Variants in MINAR2 observed in about 807,000 individuals in gnomAD.
The protein encoded by MINAR2 is major intrinsically disordered NOTCH2-binding receptor 1-like.
A neutral mutation model predicts 16.1 loss-of-function variants in MINAR2; 21 were observed. The ratio of observed to expected loss-of-function variants is 1.31; its 90% confidence interval spans 0.93 to 1.88. The LOEUF (loss-of-function observed/expected upper bound fraction) is 1.88. Ranked by LOEUF, MINAR2 falls within the 40% of genes most tolerant of loss-of-function variation. The pLI, the probability that MINAR2 is intolerant of heterozygous loss-of-function variation, is 0.00. For synonymous variants in MINAR2, 86 were observed against 83.0 expected (o/e 1.04, Z -0.20); for missense variants, 259 against 229.8 (o/e 1.13, Z -0.82).
chr5:129,758,600 C>A (rs768535943), intron 1 of MINAR2, among the ~76,000 whole-genome samples: 26 of 151,448 alleles, frequency 1.7e-4, no homozygotes, highest in Non-Finnish European at 3.4e-4. Flanking sequence ...TTTTCTTGAT[C>A]TCCCCAAAAC....
In MINAR2 at chr5:129,764,970, G is replaced by A; in HGVS notation, c.480G>A (p.Glu160=). ...TATTGAAAAAGGAAGAGAAACAAGA[G>A]AAGCATTCAAAATTCTGTCGTATGG... The part of the protein sequence containing the change: ...DTLLKKEEKQ[E]KHSKFCRMGL... Residue 160 remains glutamate, a synonymous_variant, in exon 3 of 3, where the codon GAG becomes GAA. Coordinates refer to ENST00000564719, the MANE Select transcript of MINAR2 (RefSeq NM_001257308.2). The A allele has an allele frequency of 7.1e-7, 1 of 1,408,528 alleles. No individual in the cohort carries two copies. The highest frequency in any genetic ancestry group is 2.7e-5 in the East Asian group (1 of 37,202). 87.3% of individuals were successfully genotyped at this position (1,408,528 alleles called of 1,614,324 possible). A position where few individuals can be genotyped will look rare whatever the true frequency, so the allele number is the denominator to read the frequency against.
At chr5:129,760,141 A>C (rs1758111888) in intron 1 of MINAR2, among the ~76,000 whole-genome samples, 1 of 152,184 alleles carries the variant, frequency 6.6e-6, no homozygotes, top group Non-Finnish European at 1.5e-5. Flanking sequence ...CTGTAGTTAT[A>C]AAATAGCATT....
Position 129,748,297 on chromosome 5 carries a change from G to T in MINAR2, c.107G>T (p.Arg36Met), listed in dbSNP as rs777718991. The part of the protein sequence containing the change: ...SSALLQASLV[R>M]FPGGNYPAAQ... ...GCCCTCCTTCAGGCCAGCCTGGTGA[G>T]GTTTCCGGGTGGAAATTATCCTGCT... is the stretch of plus-strand genomic sequence containing the variant. The change falls in exon 1 of 3, where the codon AGG becomes ATG. Residue 36 changes from arginine (R) to methionine (M), a missense_variant. By Grantham distance (91) the Arg-to-Met change is moderately conservative. Transcript: ENST00000564719. 1 of 1,535,214 alleles carries T rather than the reference G, an allele frequency of 6.5e-7. No homozygotes were observed.
At chr5:129,753,778 C>T (rs908734366) in intron 1 of MINAR2, among the ~76,000 whole-genome samples, 1 of 139,964 alleles carries the variant, frequency 7.1e-6, no homozygotes, top group Non-Finnish European at 1.5e-5. Flanking sequence ...AGAGTGAGAG[C>T]GTCAGAGAGA....
At chr5:129,759,973 G>C (rs946303591) in intron 1 of MINAR2, among the ~76,000 whole-genome samples, 4 of 152,042 alleles carry the variant, frequency 2.6e-5, no homozygotes, top group African/African-American at 9.7e-5. Flanking sequence ...GACTTTGCTG[G>C]ATTAGCACAA....
intron 1 of MINAR2, among the ~76,000 whole-genome samples, chr5:129,752,346 G>T (rs1010495614): frequency 1.3e-5 from 2 of 152,144 alleles, no homozygotes; most frequent in African/African-American, 4.8e-5. Flanking sequence ...TGTTAGAGTG[G>T]ATAAAGAAAA....
chr5:129,758,961 T>C (rs1475782766), intron 1 of MINAR2, among the ~76,000 whole-genome samples: 1 of 151,480 alleles, frequency 6.6e-6, no homozygotes, highest in Non-Finnish European at 1.5e-5. Flanking sequence ...CAGAGAAGGG[T>C]CTGCAAGTTG....
intron 1 of MINAR2, among the ~76,000 whole-genome samples, chr5:129,756,171 T>C (rs959689116): frequency 2.6e-5 from 4 of 152,114 alleles, no homozygotes; most frequent in African/African-American, 9.7e-5. Flanking sequence ...CCAAGTGATT[T>C]TGAGTCTTTG....
At position 129,766,649 on chromosome 5, in the gene MINAR2, A is replaced by AAC. The variant is rs1758221440; in HGVS notation, c.*1587_*1588insCA. On this transcript the variant is annotated 3_prime_UTR_variant, in exon 3 of 3. Transcript: ENST00000564719. ...GAGACTTCCATAAAAAAAAAAAAAA[A>AAC]AAAAAAACAAACAAACAAACAAAAA... 7.3e-6 allele frequency: 1 copy of AAC among 137,124 alleles called. No individual in the cohort carries two copies. Among genetic ancestry groups the AAC allele is most frequent in the African/African-American group, 2.8e-5 (1 of 36,268 alleles). The allele number at this position is 137,124 out of a possible 1,614,324, so 8.5% of individuals were successfully genotyped here.
chr5:129,757,065 A>AATATAT (rs58719695), intron 1 of MINAR2, among the ~76,000 whole-genome samples: 134 of 145,538 alleles, frequency 9.2e-4, no homozygotes, highest in African/African-American at 3.3e-3. Flanking sequence ...TGTATCACCT[A>AATATAT]ATATATATAT....
intron 2 of MINAR2, among the ~76,000 whole-genome samples, chr5:129,763,364 C>A (rs1758163114): frequency 6.6e-6 from 1 of 152,120 alleles, no homozygotes; most frequent in African/African-American, 2.4e-5. Context: ...CTCATAGAGC[C>A]CCTAACTTAC....
At chr5:129,753,477 T>G (rs1164490731) in intron 1 of MINAR2, among the ~76,000 whole-genome samples, 1 of 43,502 alleles carries the variant, frequency 2.3e-5, no homozygotes, top group African/African-American at 1.5e-4. Flanking sequence ...AGCAAGACTG[T>G]CTCAAAAAAA....
At position 129,760,471 on chromosome 5, in the gene MINAR2, G is replaced by A. The variant is rs1758118534; in HGVS notation, c.259G>A (p.Val87Ile). The A allele has an allele frequency of 6.5e-7, 1 of 1,535,680 alleles. No individual in the cohort carries two copies. Residue 87 changes from valine (V) to isoleucine (I), a missense_variant, in exon 2 of 3, where the codon GTT (valine) becomes ATT (isoleucine). Physicochemically the swap from Val to Ile is conservative, Grantham distance 29 (BLOSUM62 3). Coordinates refer to ENST00000564719, the MANE Select transcript of MINAR2 (RefSeq NM_001257308.2). ...ADSPPPSMSS[V>I]MKNNPLYGDL... is the part of the protein sequence containing the mutation. ...TAGCCCCCCACCATCCATGTCATCA[G>A]TTATGAAGAATAACCCACTCTATGG...
At position 129,755,374 on chromosome 5, in the gene MINAR2, A is replaced by G. The variant is rs895330586; in HGVS notation, c.166-5004A>G. Among the ~76,000 whole-genome samples, 3 of 151,848 alleles carry G rather than the reference A, an allele frequency of 2.0e-5. 1 individual carries two copies. The highest frequency in any genetic ancestry group is 2.0e-4 in the Admixed American group (3 of 15,224). Reference sequence around the variant, plus strand: ...TGAGCTGGGGATTGTTCCTTTTCCTATTTTCTGGAAGAATTTGACTAATAA... The same window carrying G: ...TGAGCTGGGGATTGTTCCTTTTCCTGTTTTCTGGAAGAATTTGACTAATAA... On this transcript the variant is annotated intron_variant, in intron 1 of 2. Coordinates refer to ENST00000564719, the MANE Select transcript of MINAR2 (RefSeq NM_001257308.2).
intron 1 of MINAR2, among the ~76,000 whole-genome samples, chr5:129,752,593 G>A (rs891780239): frequency 6.6e-5 from 10 of 151,998 alleles, no homozygotes; most frequent in African/African-American, 2.4e-4. Context: ...GCAAGGGGAG[G>A]GATAGCATTA....
chr5:129,762,341 A>G (rs1406728543), intron 2 of MINAR2, among the ~76,000 whole-genome samples: 1 of 152,186 alleles, frequency 6.6e-6, no homozygotes, highest in Non-Finnish European at 1.5e-5. Context: ...ATTATCAATG[A>G]TTGGAAAAAA....
chr5:129,764,290 G>A (rs1040180745), intron 2 of MINAR2, among the ~76,000 whole-genome samples: 1 of 152,218 alleles, frequency 6.6e-6, no homozygotes, highest in East Asian at 1.9e-4. Flanking sequence ...CAAAGTTTCT[G>A]CATGCCAGAC....
rs1253928443 is a variant in MINAR2 at position 129,764,989 on chromosome 5, C to T, written c.499C>T (p.Arg167Cys). The T allele has an allele frequency of 2.9e-6, 4 of 1,394,926 alleles. No homozygotes were observed. Among genetic ancestry groups the T allele is most frequent in the Non-Finnish European group, 3.7e-6 (4 of 1,072,608 alleles). The allele number at this position is 1,394,926 out of a possible 1,614,324, so 86.4% of individuals were successfully genotyped here. A position where few individuals can be genotyped will look rare whatever the true frequency, so the allele number is the denominator to read the frequency against. Residue 167 changes from arginine to cysteine, a missense_variant, in exon 3 of 3, where the codon CGT becomes TGT. Transcript: ENST00000564719. Reference protein sequence around the residue: ...EKQEKHSKFCRMGLILLVVIS... With the variant: ...EKQEKHSKFCCMGLILLVVIS... ...ACAAGAGAAGCATTCAAAATTCTGTCGTATGGGTCTGATTTTACTTGTCGT... is the reference window on the plus strand; with the variant it reads ...ACAAGAGAAGCATTCAAAATTCTGTTGTATGGGTCTGATTTTACTTGTCGT...
chr5:129,756,929 C>T lies in MINAR2; in HGVS notation c.166-3449C>T, dbSNP rs1318496949. Reference sequence around the variant, plus strand: ...TTGCTGAGTGTCTAGTAAGGCTTTCCACAGTAAAAAAAAAAAAAAAAAAAA... The same window carrying T: ...TTGCTGAGTGTCTAGTAAGGCTTTCTACAGTAAAAAAAAAAAAAAAAAAAA... On this transcript the variant is annotated intron_variant, in intron 1 of 2. Coordinates refer to ENST00000564719, the MANE Select transcript of MINAR2 (RefSeq NM_001257308.2). Among the ~76,000 whole-genome samples the T allele has an allele frequency of 8.0e-5, 8 of 100,172 alleles. No homozygotes were observed. In the East Asian group the frequency reaches 1.3e-3, roughly 16 times the overall value. 65.7% of individuals were successfully genotyped at this position (100,172 alleles called of 152,430 possible).
Sources: allele counts gnomAD v4.1 joint callset (sites outside exome capture counted in the v4.1 genomes callset), GRCh38; gene constraint gnomAD v4.1.1; transcripts MANE v1.5; gene names NCBI Gene and HGNC (gene_info 2026-07-23, HGNC 2026-07-21).